Variants in CLIP1 observed in about 807,000 individuals in gnomAD.
The protein encoded by CLIP1 is CAP-Gly domain containing linker protein 1.
In CLIP1, 66 loss-of-function variants were observed where a neutral mutation model predicts 161.6. That is an observed-to-expected ratio of 0.41 (90% CI 0.33 to 0.50). CLIP1 has a LOEUF of 0.50. Among genes scored for constraint, CLIP1 ranks in the 20% least tolerant of loss-of-function variants. The pLI, the probability that CLIP1 is intolerant of heterozygous loss-of-function variation, is 0.27. For missense variants in CLIP1, 1,376 were observed against 1,702.0 expected (o/e 0.81, Z 3.37); for synonymous variants, 598 against 626.2 (o/e 0.96, Z 0.67).
chr12:122,378,093 T>A (rs1954832040), intron 2 of CLIP1, 133 bp from the exon 3 acceptor site: 1 of 764,856 alleles, frequency 1.3e-6, no homozygotes, highest in Non-Finnish European at 2.1e-6. Flanking sequence ...TAAAGTGTGG[T>A]TTTTTGTTCT....
intron 1 of CLIP1, among the ~76,000 whole-genome samples, chr12:122,411,403 C>T (rs939325376): frequency 5.3e-5 from 8 of 151,998 alleles, no homozygotes; most frequent in East Asian, 1.9e-4. Context: ...GAGACAAGGG[C>T]GAAACTCCAT....
At chr12:122,307,573 C>G (rs1950920640) in intron 20 of CLIP1, among the ~76,000 whole-genome samples, 1 of 152,100 alleles carries the variant, frequency 6.6e-6, no homozygotes, top group Non-Finnish European at 1.5e-5. Flanking sequence ...TTTTAAATAG[C>G]ATTTCTGCCA....
At chr12:122,340,689 G>C (rs1206071971) in intron 11 of CLIP1, 64 bp downstream of exon 11, 3 of 1,348,572 alleles carry the variant, frequency 2.2e-6, no homozygotes, top group South Asian at 1.4e-5. Flanking sequence ...CAACTCAAAA[G>C]TAACATAATG....
At chr12:122,290,251 C>T (rs1450927536) in intron 20 of CLIP1, among the ~76,000 whole-genome samples, 1 of 152,102 alleles carries the variant, frequency 6.6e-6, no homozygotes, top group Non-Finnish European at 1.5e-5. Context: ...TATCCCTTTA[C>T]CATGAAATCT....
rs1387469211 is a variant in CLIP1 at position 122,314,222 on chromosome 12, C to T, written c.3473+2527G>A. ...AGGAGAATCGCTTCAACCCGGGAGG[C>T]GGAGGTTGCAGTGAGCCGAGACTGC... On this transcript the variant is annotated intron_variant, in intron 19 of 25. Transcript: ENST00000620786. Among the ~76,000 whole-genome samples, 5 of 143,074 alleles carry T rather than the reference C, an allele frequency of 3.5e-5. No individual in the cohort carries two copies. The East Asian group carries it at 6.3e-4, about 18-fold the overall frequency. 93.9% of individuals were successfully genotyped at this position (143,074 alleles called of 152,430 possible).
At position 122,278,955 on chromosome 12, in the gene CLIP1, T is replaced by G. The variant is rs1470551452; in HGVS notation, c.3766-13A>C. 1 of 1,606,226 alleles carries G rather than the reference T, an allele frequency of 6.2e-7. No individual in the cohort carries two copies. Among genetic ancestry groups the G allele is most frequent in the East Asian group, 2.2e-5 (1 of 44,720 alleles). On this transcript the variant is annotated splice_polypyrimidine_tract_variant and intron_variant, in intron 22 of 25. Coordinates refer to ENST00000620786, the MANE Select transcript of CLIP1 (RefSeq NM_001247997.2). ...TGAGCACTGTGACCTGAAACACAGTTGTTTAGCTTAGGCTGAGGGTTTGAA... is the reference window on the plus strand; with the variant it reads ...TGAGCACTGTGACCTGAAACACAGTGGTTTAGCTTAGGCTGAGGGTTTGAA...
chr12:122,287,997 T>A (rs1592980015), intron 21 of CLIP1, among the ~76,000 whole-genome samples: 2 of 152,142 alleles, frequency 1.3e-5, no homozygotes, highest in East Asian at 3.8e-4. Context: ...ACTATTTTTG[T>A]TTTAGTAATA....
intron 1 of CLIP1, among the ~76,000 whole-genome samples, chr12:122,408,306 C>T (rs1593264636): frequency 6.6e-6 from 1 of 151,206 alleles, no homozygotes; most frequent in East Asian, 1.9e-4. Flanking sequence ...TCTTGAGAGA[C>T]AATGGACAAA....
chr12:122,384,081 C>CT (rs1219162802), intron 1 of CLIP1, among the ~76,000 whole-genome samples: 1 of 152,134 alleles, frequency 6.6e-6, no homozygotes, highest in Non-Finnish European at 1.5e-5. Flanking sequence ...ATTATTACCT[C>CT]TTTTTTACAA....
intron 21 of CLIP1, chr12:122,280,890 A>G (rs1955619434): frequency 6.6e-6 from 1 of 152,276 alleles, no homozygotes; most frequent in African/African-American, 2.4e-5. Flanking sequence ...TAACCTTAAC[A>G]AGAAGCCAAA....
chr12:122,286,946 C>A (rs947029612), intron 21 of CLIP1, among the ~76,000 whole-genome samples: 2 of 151,984 alleles, frequency 1.3e-5, no homozygotes, highest in African/African-American at 2.4e-5. Context: ...TGCAGTGAGC[C>A]GAGATCGCAC....
chr12:122,302,413 G>A (rs1483344859), intron 20 of CLIP1, among the ~76,000 whole-genome samples: 1 of 151,988 alleles, frequency 6.6e-6, no homozygotes, highest in Non-Finnish European at 1.5e-5. Context: ...AATTATTTCT[G>A]TATTGTTGAA....
chr12:122,367,449 A>C (rs1199734818), intron 3 of CLIP1, among the ~76,000 whole-genome samples: 1 of 152,250 alleles, frequency 6.6e-6, no homozygotes, highest in Non-Finnish European at 1.5e-5. Flanking sequence ...ACAGAAAGTC[A>C]GGTGAAGTCC....
At position 122,344,252 on chromosome 12, in the gene CLIP1, ATAAAAT is replaced by A. The variant is rs767529476; in HGVS notation, c.1507-2561_1507-2556del. ...CTCCAAAACTGCATAATCAAAGTAA[ATAAAAT>A]TAAATATTTCAGAGCTGACTATAAT... On this transcript the variant is annotated intron_variant, in intron 10 of 25. Transcript: ENST00000620786. 2.6e-5 allele frequency among the ~76,000 whole-genome samples: 4 copies of A among 152,328 alleles called. No individual in the cohort carries two copies. The Middle Eastern group carries it at 0.01, about 389-fold the overall frequency.
chr12:122,330,731 C>G (rs1052509935), intron 15 of CLIP1, among the ~76,000 whole-genome samples: 2 of 150,832 alleles, frequency 1.3e-5, no homozygotes, highest in Admixed American at 6.7e-5. Flanking sequence ...TCCTGAGTAG[C>G]TGGGAATCCA....
chr12:122,389,765 A>AAAAAAAAAAAC (rs1955507786), intron 1 of CLIP1, among the ~76,000 whole-genome samples: 1 of 88,852 alleles, frequency 1.1e-5, no homozygotes, highest in Admixed American at 1.3e-4. Flanking sequence ...TCTCAAAAAA[A>AAAAAAAAAAAC]AAAAAAAAAA....
At chr12:122,274,256 G>T in intron 24 of CLIP1, 94 bp from the exon 25 acceptor site, 1 of 1,099,978 alleles carries the variant, frequency 9.1e-7, no homozygotes, top group Non-Finnish European at 1.3e-6. Context: ...AAGCTCTGGC[G>T]GCAAAGTGTG....
intron 12 of CLIP1, among the ~76,000 whole-genome samples, chr12:122,334,940 G>T (rs1311099589): frequency 6.6e-6 from 1 of 152,182 alleles, no homozygotes; most frequent in Non-Finnish European, 1.5e-5. Context: ...TGGGAAGGCA[G>T]GTTCACCAGC....
At chr12:122,306,602 A>G (rs1486867808) in intron 20 of CLIP1, among the ~76,000 whole-genome samples, 2 of 152,210 alleles carry the variant, frequency 1.3e-5, no homozygotes, top group Non-Finnish European at 2.9e-5. Flanking sequence ...AAGGGGCAGC[A>G]GCTTGCTCTG....
Sources: allele counts gnomAD v4.1 joint callset (sites outside exome capture counted in the v4.1 genomes callset), GRCh38; gene constraint gnomAD v4.1.1; transcripts MANE v1.5; gene names NCBI Gene and HGNC (gene_info 2026-07-23, HGNC 2026-07-21).